The following CYB5R3 variants were observed in gnomAD, a reference collection of about 807,000 sequenced individuals.
CYB5R3 encodes the protein cytochrome b5 reductase 3.
A neutral mutation model predicts 36.5 loss-of-function variants in CYB5R3; 28 were observed. That is an observed-to-expected ratio of 0.77 (90% CI 0.57 to 1.05). The LOEUF is 1.05. Among genes scored for constraint, CYB5R3 ranks in the 50% least tolerant of loss-of-function variants. The pLI, the probability that CYB5R3 is intolerant of heterozygous loss-of-function variation, is 0.00. For synonymous variants in CYB5R3, 181 were observed against 159.8 expected, an observed-to-expected ratio of 1.13 and a Z score of -1.00; for missense variants, 474 against 408.9, an observed-to-expected ratio of 1.16 and a Z score of -1.37.
chr22:42,641,514 CT>C (rs1279781440), intron 1 of CYB5R3, among the ~76,000 whole-genome samples: 2 of 151,876 alleles, frequency 1.3e-5, no homozygotes, highest in African/African-American at 4.8e-5. Flanking sequence ...GAGATGGAGT[CT>C]GGCTCTGTCA....
intron 1 of CYB5R3, among the ~76,000 whole-genome samples, chr22:42,644,824 G>A (rs1288443959): frequency 6.6e-6 from 1 of 152,172 alleles, no homozygotes; most frequent in East Asian, 1.9e-4. Context: ...TGTTTTTCCA[G>A]CACAGCTGCG....
At chr22:42,646,401 C>G (rs541484604) in intron 1 of CYB5R3, among the ~76,000 whole-genome samples, 1 of 152,266 alleles carries the variant, frequency 6.6e-6, no homozygotes, top group African/African-American at 2.4e-5. Flanking sequence ...TCCCAGGGAG[C>G]CCCCAGCTCA....
At chr22:42,627,020 T>C (rs1287507738) in intron 7 of CYB5R3, among the ~76,000 whole-genome samples, 1 of 152,156 alleles carries the variant, frequency 6.6e-6, no homozygotes, top group African/African-American at 2.4e-5. Context: ...ACCGTGCTCA[T>C]GGTGAAGGGA....
At chr22:42,626,036 C>T (rs1928249410) in intron 7 of CYB5R3, among the ~76,000 whole-genome samples, 1 of 152,236 alleles carries the variant, frequency 6.6e-6, no homozygotes, top group African/African-American at 2.4e-5. Flanking sequence ...AGGCTGGGTA[C>T]TGTGGCTCAC....
At chr22:42,649,232 C>T in intron 1 of CYB5R3, 63 bp downstream of exon 1, 1 of 771,518 alleles carries the variant, frequency 1.3e-6, no homozygotes, top group Non-Finnish European at 1.6e-6. Flanking sequence ...CAGCCCGCCC[C>T]CTCGCCGCCG....
chr22:42,619,446 G>C lies in CYB5R3; in HGVS notation c.*327C>G. ...GGTCCACGGCCGGGAATGGTGGGCA[G>C]ACGGGGCTGCTGGCAGCCCTCAGCC... On this transcript the variant is annotated 3_prime_UTR_variant, in exon 9 of 9. Transcript: ENST00000352397. 3.0e-6 allele frequency: 1 copy of C among 332,660 alleles called. No homozygotes were observed. Among genetic ancestry groups the C allele is most frequent in the South Asian group, 4.7e-5 (1 of 21,196 alleles). 20.6% of individuals were successfully genotyped at this position (332,660 alleles called of 1,614,324 possible).
At position 42,649,334 on chromosome 22, in the gene CYB5R3, T is replaced by C. The variant is rs1032318586; in HGVS notation, c.-19A>G. ...CCCCCATGGTGGCCCCGCGCCGCGCTCGCTCTGTCGCCGCCGCCGCCGCCG... is the reference window on the plus strand; with the variant it reads ...CCCCCATGGTGGCCCCGCGCCGCGCCCGCTCTGTCGCCGCCGCCGCCGCCG... On this transcript the variant is annotated 5_prime_UTR_variant, in exon 1 of 9. Transcript: ENST00000352397. 4 of 997,470 alleles carry C rather than the reference T, an allele frequency of 4.0e-6. No individual in the cohort carries two copies. The African/African-American group carries it at 7.1e-5, about 18-fold the overall frequency. The allele number at this position is 997,470 out of a possible 1,614,324, so 61.8% of individuals were successfully genotyped here. A position where few individuals can be genotyped will look rare whatever the true frequency, so the allele number is the denominator to read the frequency against.
At chr22:42,631,075 C>A in intron 3 of CYB5R3, 87 bp from the exon 4 acceptor site, 2 of 1,224,894 alleles carry the variant, frequency 1.6e-6, no homozygotes, top group Non-Finnish European at 2.4e-6. Context: ...CTGCACCCCA[C>A]CCGGCATTCA....
At position 42,627,694 on chromosome 22, in the gene CYB5R3, G is replaced by A. The variant is rs768552053; in HGVS notation, c.464-6C>T. The A allele has an allele frequency of 4.4e-6, 7 of 1,605,780 alleles. No homozygotes were observed. The highest frequency in any genetic ancestry group is 6.0e-6 in the Non-Finnish European group (7 of 1,172,376). On this transcript the variant is annotated splice_region_variant and splice_polypyrimidine_tract_variant and intron_variant, in intron 5 of 8. Transcript: ENST00000352397. The stretch of plus-strand genomic sequence containing the variant: ...AGGTCGGATGGCGAACTTCCCTGGG[G>A]AGAGAGAAGGGGTGAGGCCCGGCCA...
At chr22:42,636,246 A>T (rs13054997) in intron 2 of CYB5R3, among the ~76,000 whole-genome samples, 3 of 152,092 alleles carry the variant, frequency 2.0e-5, no homozygotes, top group Non-Finnish European at 4.4e-5. Context: ...CTCACTAATG[A>T]AAGAAAGTAA....
rs762602202 is a variant in CYB5R3 at position 42,619,809 on chromosome 22, G to C, written c.870C>G (p.His290Gln). 1.3e-5 allele frequency: 20 copies of C among 1,598,600 alleles called. No individual in the cohort carries two copies. Among genetic ancestry groups the C allele is most frequent in the Non-Finnish European group, 1.7e-5 (20 of 1,174,654 alleles). ...AGCAGCGCTCCGTGGGGTGGCCCAC[G>C]TGGTCCAGGTTGGGAAGGCAGGCGT... Reference protein sequence around the residue: ...IQYACLPNLDHVGHPTERCFV... With the variant: ...IQYACLPNLDQVGHPTERCFV... The change falls in exon 9 of 9, where the codon CAC becomes CAG. Residue 290 changes from histidine to glutamine, a missense_variant. His to Gln is a conservative substitution (Grantham distance 24, BLOSUM62 0). Transcript: ENST00000352397.
intron 7 of CYB5R3, among the ~76,000 whole-genome samples, chr22:42,625,615 C>G (rs1247827845): frequency 6.6e-6 from 1 of 152,178 alleles, no homozygotes; most frequent in Non-Finnish European, 1.5e-5. Context: ...ACCCACCTGA[C>G]AGATGAACAG....
intron 8 of CYB5R3, among the ~76,000 whole-genome samples, chr22:42,623,202 A>C (rs186919550): frequency 6.6e-6 from 1 of 152,326 alleles, no homozygotes; most frequent in Non-Finnish European, 1.5e-5. Context: ...CCGAAAAGGG[A>C]AGGGCGCTTT....
At chr22:42,645,523 G>A (rs568227323) in intron 1 of CYB5R3, among the ~76,000 whole-genome samples, 1 of 152,286 alleles carries the variant, frequency 6.6e-6, no homozygotes, top group African/African-American at 2.4e-5. Context: ...AGCTCCCGTG[G>A]CTGAGCTGGG....
intron 8 of CYB5R3, among the ~76,000 whole-genome samples, chr22:42,622,246 C>T (rs905215948): frequency 6.6e-6 from 1 of 152,138 alleles, no homozygotes; most frequent in Non-Finnish European, 1.5e-5. Context: ...AGAAGAGAAA[C>T]AGCAGCTAGA....
In CYB5R3 at chr22:42,623,997, T is replaced by C. The variant is rs939044334; in HGVS notation, c.634-109A>G. ...CGCGCCCGCCTGCGGGCCACACGCT[T>C]GCGGAGCTTTCAGGAGGGGACTCGG... is the stretch of plus-strand genomic sequence containing the variant. On this transcript the variant is annotated intron_variant, in intron 7 of 8. Transcript: ENST00000352397. 1.6e-5 allele frequency: 15 copies of C among 936,426 alleles called. No homozygotes were observed. In the African/African-American group the frequency reaches 2.4e-4, roughly 15 times the overall value. The allele number at this position is 936,426 out of a possible 1,614,324, so 58.0% of individuals were successfully genotyped here. A position where few individuals can be genotyped will look rare whatever the true frequency, so the allele number is the denominator to read the frequency against.
rs1444239627 is a variant in CYB5R3, at chr22:42,627,369, C to T, written c.568G>A (p.Val190Met). 1.9e-6 allele frequency: 3 copies of T among 1,613,786 alleles called. No individual in the cohort carries two copies. The highest frequency in any genetic ancestry group is 2.2e-5 in the East Asian group (1 of 44,880). ...GGGTCCTTCATGATGGCGCGGATCA[C>T]CTGCAGCATCGGGGTGATGCCTGCA... The part of the protein sequence containing the change: ...GGTGITPMLQ[V>M]IRAIMKDPDD... The change falls in exon 7 of 9, where the codon GTG (valine) becomes ATG (methionine). Residue 190 changes from valine (V) to methionine (M), a missense_variant. By Grantham distance (21) the Val-to-Met change is conservative (BLOSUM62 1). Coordinates refer to ENST00000352397, the MANE Select transcript of CYB5R3 (RefSeq NM_000398.7).
At chr22:42,634,419 G>A (rs1031900570) in intron 2 of CYB5R3, among the ~76,000 whole-genome samples, 2 of 152,020 alleles carry the variant, frequency 1.3e-5, no homozygotes, top group South Asian at 2.1e-4. Context: ...TCTCATCTGG[G>A]AGGTGGTGAT....
chr22:42,630,165 C>G (rs988300715), intron 4 of CYB5R3, among the ~76,000 whole-genome samples: 2 of 152,156 alleles, frequency 1.3e-5, no homozygotes, highest in African/African-American at 4.8e-5. Context: ...TTACTTCCCA[C>G]TCGGCATGTG....
Sources: gnomAD v4.1 joint callset for allele counts (sites outside exome capture counted in the v4.1 genomes callset) on GRCh38, gnomAD v4.1.1 for gene constraint, MANE v1.5 for transcripts, NCBI Gene and HGNC (gene_info 2026-07-23, HGNC 2026-07-21) for gene names.